Variants in BMPR1B observed in about 807,000 individuals in gnomAD.
The protein encoded by BMPR1B is bone morphogenetic protein receptor type 1B, also known as bone morphogenetic protein receptor type-1B.
In BMPR1B, 12 loss-of-function variants were observed where a neutral mutation model predicts 59.1. The ratio of observed to expected loss-of-function variants is 0.20; its 90% confidence interval spans 0.13 to 0.33. BMPR1B has a LOEUF of 0.33. BMPR1B is among the 10% of genes least tolerant of loss of function. The pLI is 1.00. For missense variants in BMPR1B, 550 were observed against 610.9 expected (o/e 0.90, Z 1.05); for synonymous variants, 237 against 207.3 (o/e 1.14, Z -1.23).
intron 3 of BMPR1B, among the ~76,000 whole-genome samples, chr4:95,007,221 C>T (rs897074807): frequency 2.0e-5 from 3 of 152,144 alleles, no homozygotes; most frequent in African/African-American, 7.2e-5. Flanking sequence ...GTCAGATTTT[C>T]AAGCTTTCTA....
At chr4:94,790,456 G>T (rs1722937051) in intron 1 of BMPR1B, among the ~76,000 whole-genome samples, 1 of 152,236 alleles carries the variant, frequency 6.6e-6, no homozygotes, top group South Asian at 2.1e-4. Context: ...AGGCAGGAAG[G>T]CCAGTTAGGA....
intron 2 of BMPR1B, among the ~76,000 whole-genome samples, chr4:94,890,187 G>T (rs1005687552): frequency 3.9e-5 from 6 of 152,042 alleles, no homozygotes; most frequent in African/African-American, 1.2e-4. Flanking sequence ...ATAACAAGAA[G>T]CCTGCTAGAG....
chr4:95,003,689 C>G (rs2149112524), intron 3 of BMPR1B, among the ~76,000 whole-genome samples: 1 of 151,820 alleles, frequency 6.6e-6, no homozygotes, highest in South Asian at 2.1e-4. Context: ...TTTCTATTTC[C>G]TCTTTTCATG....
At chr4:95,023,239 A>G (rs1397097525) in intron 3 of BMPR1B, among the ~76,000 whole-genome samples, 5 of 152,186 alleles carry the variant, frequency 3.3e-5, no homozygotes, top group Non-Finnish European at 7.3e-5. Flanking sequence ...TCTCCCATAC[A>G]ACACATGCCT....
intron 1 of BMPR1B, among the ~76,000 whole-genome samples, chr4:94,813,039 ATTG>A (rs1446005364): frequency 6.6e-6 from 1 of 150,570 alleles, no homozygotes; most frequent in African/African-American, 2.4e-5. Flanking sequence ...GTTTTTAACC[ATTG>A]TTCTAATTTT....
At chr4:95,044,372 T>A (rs1560614137) in intron 3 of BMPR1B, among the ~76,000 whole-genome samples, 2 of 152,216 alleles carry the variant, frequency 1.3e-5, no homozygotes, top group Non-Finnish European at 2.9e-5. Flanking sequence ...TGCACTTGAT[T>A]GATGCCCAGA....
In BMPR1B at chr4:95,042,886, A is replaced by G. The variant is rs189613192; in HGVS notation, c.-18+46752A>G. On this transcript the variant is annotated intron_variant, in intron 3 of 12. Coordinates refer to ENST00000515059, the MANE Select transcript of BMPR1B (RefSeq NM_001203.3). ...TACTCTGTAATGATTAACATAAAGAATTACCTCGGCCGGGCGCGGTGGCTC... is the reference window on the plus strand; with the variant it reads ...TACTCTGTAATGATTAACATAAAGAGTTACCTCGGCCGGGCGCGGTGGCTC... Among the ~76,000 whole-genome samples, 98 of 152,266 alleles carry G rather than the reference A, an allele frequency of 6.4e-4. 1 individual carries two copies. In the East Asian group the frequency reaches 0.013, roughly 21 times the overall value.
At chr4:94,797,603 T>G (rs1723244028) in intron 1 of BMPR1B, among the ~76,000 whole-genome samples, 1 of 152,222 alleles carries the variant, frequency 6.6e-6, no homozygotes, top group Non-Finnish European at 1.5e-5. Flanking sequence ...TATATTCACA[T>G]TGTCCTGGGT....
At chr4:95,136,133 G>A (rs1187078160) in intron 10 of BMPR1B, among the ~76,000 whole-genome samples, 2 of 152,176 alleles carry the variant, frequency 1.3e-5, no homozygotes, top group South Asian at 2.1e-4. Context: ...TGTGGTTTTT[G>A]TCTTTGCTAG....
chr4:94,908,821 C>G (rs574606944), intron 2 of BMPR1B, among the ~76,000 whole-genome samples: 3 of 151,962 alleles, frequency 2.0e-5, no homozygotes, highest in Non-Finnish European at 4.4e-5. Context: ...ATAATGTCTC[C>G]GTGTTCATAG....
At chr4:95,126,608 C>T (rs1309317688) in intron 8 of BMPR1B, among the ~76,000 whole-genome samples, 1 of 152,142 alleles carries the variant, frequency 6.6e-6, no homozygotes, top group East Asian at 1.9e-4. Context: ...GATTCAAACC[C>T]AGATGATCTG....
chr4:94,846,549 G>T (rs1053268773), intron 1 of BMPR1B, among the ~76,000 whole-genome samples: 1 of 152,064 alleles, frequency 6.6e-6, no homozygotes, highest in African/African-American at 2.4e-5. Context: ...TCTTTCTCCC[G>T]TGCTGGATGC....
chr4:95,054,874 G>T (rs1408310991), intron 3 of BMPR1B, among the ~76,000 whole-genome samples: 2 of 152,166 alleles, frequency 1.3e-5, no homozygotes, highest in Non-Finnish European at 2.9e-5. Flanking sequence ...TAGGCCTCAT[G>T]TTCCCACATT....
intron 1 of BMPR1B, among the ~76,000 whole-genome samples, chr4:94,810,447 A>T (rs1386800350): frequency 6.6e-6 from 1 of 152,166 alleles, no homozygotes; most frequent in Non-Finnish European, 1.5e-5. Flanking sequence ...GGAATTAAAA[A>T]ATCGGTGCAA....
chr4:94,975,368 T>TTTTC (rs1730987897), intron 2 of BMPR1B, among the ~76,000 whole-genome samples: 1 of 132,930 alleles, frequency 7.5e-6, no homozygotes, highest in East Asian at 2.1e-4. Context: ...TTTTTGTTTT[T>TTTTC]TTTTTTTTTT....
intron 3 of BMPR1B, among the ~76,000 whole-genome samples, chr4:95,017,877 T>G (rs1177575121): frequency 6.6e-6 from 1 of 152,184 alleles, no homozygotes; most frequent in Admixed American, 6.6e-5. Flanking sequence ...GTGGAAACTC[T>G]AGAGAGATAA....
intron 1 of BMPR1B, among the ~76,000 whole-genome samples, chr4:94,797,076 C>G (rs536951371): frequency 6.6e-6 from 1 of 152,240 alleles, no homozygotes; most frequent in East Asian, 1.9e-4. Context: ...CTGGGGAGGC[C>G]TCAGAATCAT....
chr4:94,902,081 GT>G (rs879359255), intron 2 of BMPR1B, among the ~76,000 whole-genome samples: 1,619 of 137,202 alleles, frequency 0.012, 14 homozygotes, highest in Middle Eastern at 0.018. Context: ...GTGTGTGTGT[GT>G]GTGTGGGGTG....
intron 1 of BMPR1B, among the ~76,000 whole-genome samples, chr4:94,824,773 C>T (rs1410073371): frequency 1.3e-5 from 2 of 151,708 alleles, no homozygotes; most frequent in Non-Finnish European, 2.9e-5. Flanking sequence ...TGAGTAAAAA[C>T]GTTTTTATAT....
Sources: gnomAD v4.1 joint callset for allele counts (sites outside exome capture counted in the v4.1 genomes callset) on GRCh38, gnomAD v4.1.1 for gene constraint, MANE v1.5 for transcripts, NCBI Gene and HGNC (gene_info 2026-07-23, HGNC 2026-07-21) for gene names.